Variants in SPEG observed in about 807,000 individuals in gnomAD.
SPEG encodes the protein striated muscle preferentially expressed protein kinase.
SPEG carries 114 observed loss-of-function variants against 300.4 expected under a neutral mutation model. The ratio of observed to expected loss-of-function variants is 0.38; its 90% CI spans 0.33 to 0.44. SPEG has a LOEUF of 0.44. Among genes scored for constraint, SPEG ranks in the 20% least tolerant of loss-of-function variants. The pLI, the probability that SPEG is intolerant of heterozygous loss-of-function variation, is 1.00. For synonymous variants in SPEG, 1,964 were observed against 2,018.9 expected (o/e 0.97, Z 0.73); for missense variants, 4,201 against 4,586.2 (o/e 0.92, Z 2.43).
intron 37 of SPEG, 22 bp from the exon 38 acceptor site, chr2:219,490,711 T>C: frequency 6.2e-7 from 1 of 1,613,352 alleles, no homozygotes; most frequent in Non-Finnish European, 8.5e-7. Flanking sequence ...GGGTATCATC[T>C]GCTCCATCCC....
chr2:219,443,211 C>T lies in SPEG; in HGVS notation c.389-1442C>T, dbSNP rs765592328. On this transcript the variant is annotated intron_variant, in intron 1 of 40. Transcript: ENST00000312358. The surrounding 1 kb of genome is among the most constrained non-coding windows in gnomAD (Gnocchi z 4.6). ...GCCTACTCCTCCTCTTGGTCCCTGT[C>T]CCTCTGTGAGGCATCGAGTTCCTGA... 1 of 1,530,094 alleles carries T rather than the reference C, an allele frequency of 6.5e-7. No homozygotes were observed. Among genetic ancestry groups the T allele is most frequent in the South Asian group, 1.1e-5 (1 of 89,466 alleles). 94.8% of individuals were successfully genotyped at this position (1,530,094 alleles called of 1,614,324 possible). A position where few individuals can be genotyped will look rare whatever the true frequency, so the allele number is the denominator to read the frequency against.
chr2:219,468,368 C>A (rs1243687815), intron 10 of SPEG, among the ~76,000 whole-genome samples: 2 of 152,148 alleles, frequency 1.3e-5, no homozygotes, highest in African/African-American at 4.8e-5. Context: ...CCCAGCCCAC[C>A]ATGGCAGTCT....
In SPEG at chr2:219,444,615, G is replaced by C. The variant is rs1689146407; in HGVS notation, c.389-38G>C. ...AATAGGGAAGAGTTGGAGGCAGAGGGAGGAGGGCCCTGCCCACACAGACCC... is the reference window on the plus strand; with the variant it reads ...AATAGGGAAGAGTTGGAGGCAGAGGCAGGAGGGCCCTGCCCACACAGACCC... On this transcript the variant is annotated intron_variant, in intron 1 of 40. Coordinates refer to ENST00000312358, the MANE Select transcript of SPEG (RefSeq NM_005876.5). This position sits in a 1 kb window ranked among gnomAD's most constrained non-coding sequence, Gnocchi z 7.8. 1.3e-6 allele frequency: 2 copies of C among 1,560,850 alleles called. No homozygotes were observed. The highest frequency in any genetic ancestry group is 1.7e-5 in the Admixed American group (1 of 59,642).
chr2:219,448,854 G>C lies in SPEG; in HGVS notation c.1696G>C (p.Asp566His), dbSNP rs1192068042. 1 of 1,402,040 alleles carries C rather than the reference G, an allele frequency of 7.1e-7. No homozygotes were observed. The highest frequency in any genetic ancestry group is 1.5e-5 in the African/African-American group (1 of 65,920). The allele number at this position is 1,402,040 out of a possible 1,614,324, so 86.8% of individuals were successfully genotyped here. A position where few individuals can be genotyped will look rare whatever the true frequency, so the allele number is the denominator to read the frequency against. The stretch of plus-strand genomic sequence containing the variant: ...TCCGAGCAGCGCGGAGAAGCCGGGG[G>C]ACGAGCCTGGGAGGCCCAGGAGCCG... ...PSPSSAEKPG[D>H]EPGRPRSRGP... is the part of the protein sequence containing the mutation. Residue 566 changes from aspartate (D) to histidine (H), a missense_variant, in exon 4 of 41, where the codon GAC becomes CAC. By Grantham distance (81) the Asp-to-His change is moderately conservative. Around this residue, in one of 4 missense-constraint regions of SPEG, gnomAD observed 1,258 missense variants for 1,293.9 expected, o/e 0.97. Transcript: ENST00000312358.
At chr2:219,457,870 T>TACTTTTCCCTTTTTCCTGCAAA (rs1335907044) in intron 6 of SPEG, among the ~76,000 whole-genome samples, 2 of 152,236 alleles carry the variant, frequency 1.3e-5, no homozygotes, top group Non-Finnish European at 2.9e-5. Context: ...CTGCCTGGAA[T>TACTTTTCCCTTTTTCCTGCAAA]ACTTTTCCCT....
Position 219,435,193 on chromosome 2 carries a change from C to T in SPEG, c.216C>T (p.Pro72=). 2.7e-6 allele frequency: 4 copies of T among 1,481,790 alleles called. No homozygotes were observed. The South Asian group carries it at 5.2e-5, about 19-fold the overall frequency. The allele number at this position is 1,481,790 out of a possible 1,614,324, so 91.8% of individuals were successfully genotyped here. ...LRVVVSGTPQ[P]SLRWFRDGQL... ...TGGTGGTGAGCGGGACGCCCCAGCC[C>T]AGCCTCCGCTGGTTCCGGGATGGGC... The change falls in exon 1 of 41, where the codon CCC becomes CCT. Residue 72 remains proline, a synonymous_variant. Transcript: ENST00000312358.
chr2:219,482,967 C>A, intron 29 of SPEG, 115 bp downstream of exon 29: 1 of 1,401,348 alleles, frequency 7.1e-7, no homozygotes, highest in Non-Finnish European at 9.9e-7. Flanking sequence ...TCACTGGCTC[C>A]ATGCCTAGCT....
rs747928945 is a variant in SPEG at position 219,488,320 on chromosome 2, C to T, written c.7858+10C>T. 1.3e-6 allele frequency: 2 copies of T among 1,595,122 alleles called. No homozygotes were observed. Among genetic ancestry groups the T allele is most frequent in the African/African-American group, 1.3e-5 (1 of 74,492 alleles). On this transcript the variant is annotated intron_variant, in intron 32 of 40. Transcript: ENST00000312358. ...ATCTCCTGGATGAAAGGTAAGGAGA[C>T]TCTGTCTCCCACAGAGAGGGAGGCC...
In SPEG at chr2:219,483,585, C is replaced by A; in HGVS notation, c.6122C>A (p.Pro2041Gln). 6.8e-7 allele frequency: 1 copy of A among 1,470,090 alleles called. No homozygotes were observed. Among genetic ancestry groups the A allele is most frequent in the Non-Finnish European group, 8.9e-7 (1 of 1,121,960 alleles). 91.1% of individuals were successfully genotyped at this position (1,470,090 alleles called of 1,614,324 possible). The part of the protein sequence containing the change: ...GLHKAASVEL[P>Q]QRRSPSPGAT... The stretch of plus-strand genomic sequence containing the variant: ...CACAAGGCGGCGTCTGTGGAGCTGC[C>A]GCAGCGCCGGAGCCCCAGCCCGGGA... Residue 2041 changes from proline to glutamine, a missense_variant, in exon 30 of 41, where the codon CCG becomes CAG. Pro to Gln is a moderately conservative substitution (Grantham distance 76). Transcript: ENST00000312358.
Position 219,484,788 on chromosome 2 carries a change from G to A in SPEG, c.7325G>A (p.Gly2442Glu), listed in dbSNP as rs1156507042. ...RGGDGESSEG[G>E]SSARGSPVLA... ...GGGGACGGAGAGAGCTCGGAGGGCGGGAGCTCGGCGCGGGGCTCCCCGGTG... is the reference window on the plus strand; with the variant it reads ...GGGGACGGAGAGAGCTCGGAGGGCGAGAGCTCGGCGCGGGGCTCCCCGGTG... The change falls in exon 30 of 41, where the codon GGG becomes GAG. Residue 2442 changes from glycine to glutamate, a missense_variant. Transcript: ENST00000312358. 1 of 1,469,330 alleles carries A rather than the reference G, an allele frequency of 6.8e-7. No individual in the cohort carries two copies. The allele number at this position is 1,469,330 out of a possible 1,614,324, so 91.0% of individuals were successfully genotyped here. A position where few individuals can be genotyped will look rare whatever the true frequency, so the allele number is the denominator to read the frequency against.
rs1339186617 is a variant in SPEG, at chr2:219,454,270, GA to G, written c.2440+2466del. On this transcript the variant is annotated intron_variant, in intron 6 of 40. Transcript: ENST00000312358. ...ATGGTTTAGGGGCAGGGTCTGTGCG[GA>G]AAGGAGCTGGTCCTCACCAGCTCCC... 2.6e-5 allele frequency among the ~76,000 whole-genome samples: 4 copies of G among 152,286 alleles called. No homozygotes were observed. The East Asian group carries it at 5.8e-4, about 22-fold the overall frequency.
At position 219,483,831 on chromosome 2, in the gene SPEG, G is replaced by T; in HGVS notation, c.6368G>T (p.Arg2123Leu). The T allele has an allele frequency of 6.3e-7, 1 of 1,584,298 alleles. No homozygotes were observed. The highest frequency in any genetic ancestry group is 2.3e-5 in the East Asian group (1 of 43,890). ...APHHQPPLEN[R>L]GLQKSSSFSQ... Reference sequence around the variant, plus strand: ...CACCACCAGCCCCCACTCGAGAACCGGGGCCTGCAAAAGAGCAGCAGCTTC... The same window carrying T: ...CACCACCAGCCCCCACTCGAGAACCTGGGCCTGCAAAAGAGCAGCAGCTTC... Residue 2123 changes from arginine (R) to leucine (L), a missense_variant, in exon 30 of 41, where the codon CGG becomes CTG. Around this residue, in one of 4 missense-constraint regions of SPEG, gnomAD observed 1,578 missense variants for 1,506.0 expected, o/e 1.05. Transcript: ENST00000312358.
Position 219,449,092 on chromosome 2 carries a change from C to T in SPEG, c.1934C>T (p.Thr645Met), listed in dbSNP as rs2125287529. Reference sequence around the variant, plus strand: ...GCCGTGCGCTTCCTGCCCTGGGCCACGCCGGGCCTGGAGGGCGCTGCTGTA... The same window carrying T: ...GCCGTGCGCTTCCTGCCCTGGGCCATGCCGGGCCTGGAGGGCGCTGCTGTA... ...AQAVRFLPWA[T>M]PGLEGAAVPQ... The change falls in exon 4 of 41, where the codon ACG becomes ATG. Residue 645 changes from threonine (T) to methionine (M), a missense_variant. Transcript: ENST00000312358. 6.7e-7 allele frequency: 1 copy of T among 1,502,884 alleles called. No individual in the cohort carries two copies. Among genetic ancestry groups the T allele is most frequent in the Non-Finnish European group, 8.9e-7 (1 of 1,126,796 alleles). The allele number at this position is 1,502,884 out of a possible 1,614,324, so 93.1% of individuals were successfully genotyped here.
chr2:219,474,795 C>CTTT (rs34814828), intron 18 of SPEG, among the ~76,000 whole-genome samples: 1 of 110,432 alleles, frequency 9.1e-6, no homozygotes, highest in African/African-American at 3.1e-5. Flanking sequence ...AGCAAGGATT[C>CTTT]TTTTTTTTTT....
At chr2:219,446,975 CTTTT>C (rs61280107) in intron 3 of SPEG, among the ~76,000 whole-genome samples, 1,418 of 122,250 alleles carry the variant, frequency 0.012, 24 homozygotes, top group African/African-American at 0.042. Context: ...CATTTAATTC[CTTTT>C]TTTTTTTTTT....
At chr2:219,460,339 T>TACTA in intron 6 of SPEG, 1 of 985,392 alleles carries the variant, frequency 1.0e-6, no homozygotes, top group Non-Finnish European at 1.2e-6. Flanking sequence ...GGCTCTGTAG[T>TACTA]ATTTGAGGCT....
At position 219,476,916 on chromosome 2, in the gene SPEG, T is replaced by C; in HGVS notation, c.4494T>C (p.Ala1498=). The C allele has an allele frequency of 6.2e-7, 1 of 1,612,598 alleles. No individual in the cohort carries two copies. The part of the protein sequence containing the change: ...ESIMEDVEVG[A]GETARFAVVV... ...TCATGGAGGACGTGGAGGTGGGGGC[T>C]GGGGAAACTGCTCGCTTTGCGGTGG... The change falls in exon 19 of 41, where the codon GCT becomes GCC. Residue 1498 remains alanine, a synonymous_variant. Transcript: ENST00000312358.
Position 219,492,996 on chromosome 2 carries a change from G to T in SPEG, c.*210G>T, listed in dbSNP as rs760266616. On this transcript the variant is annotated 3_prime_UTR_variant, in exon 41 of 41. Transcript: ENST00000312358. ...ACCCCAGGCCAAAGCCAGAGTGGGA[G>T]ACCCATTGGTCAGGCTCAGCAGGGT... The T allele has an allele frequency of 1.6e-5, 11 of 708,618 alleles. No homozygotes were observed. The South Asian group carries it at 1.6e-4, about 11-fold the overall frequency. The allele number at this position is 708,618 out of a possible 1,614,324, so 43.9% of individuals were successfully genotyped here.
chr2:219,473,470 G>T lies in SPEG; in HGVS notation c.4148-34G>T. On this transcript the variant is annotated intron_variant, in intron 16 of 40. Transcript: ENST00000312358. This position sits in a 1 kb window ranked among gnomAD's most constrained non-coding sequence, Gnocchi z 4.6. ...GTGGGTGCTGAGGACCTGATGTCAAGCCCAGCACAGAGCCTGCGCTCTCCT... is the reference window on the plus strand; with the variant it reads ...GTGGGTGCTGAGGACCTGATGTCAATCCCAGCACAGAGCCTGCGCTCTCCT... 6.2e-7 allele frequency: 1 copy of T among 1,609,448 alleles called. No homozygotes were observed. The highest frequency in any genetic ancestry group is 8.5e-7 in the Non-Finnish European group (1 of 1,177,030).
Sources: allele counts gnomAD v4.1 joint callset (sites outside exome capture counted in the v4.1 genomes callset), GRCh38; gene constraint gnomAD v4.1.1; regional missense constraint gnomAD v4.1.1; non-coding constraint Gnocchi (gnomAD v3.1); transcripts MANE v1.5; gene names NCBI Gene and HGNC (gene_info 2026-07-23, HGNC 2026-07-21).